Variants in PNLDC1 observed in about 807,000 individuals in gnomAD.
The protein encoded by PNLDC1 is poly(A)-specific ribonuclease PNLDC1.
Under a neutral mutation model 82.0 loss-of-function variants are expected in PNLDC1, and 70 were observed. The ratio of observed to expected loss-of-function variants is 0.85; its 90% confidence interval spans 0.70 to 1.04. PNLDC1 has a LOEUF of 1.04. PNLDC1 is among the 50% of genes least tolerant of loss of function. The pLI is 0.00. For synonymous variants in PNLDC1, 280 were observed against 249.3 expected (o/e 1.12, Z -1.16); for missense variants, 631 against 661.1 (o/e 0.95, Z 0.50).
At position 159,815,980 on chromosome 6, in the gene PNLDC1, C is replaced by T; in HGVS notation, c.1007C>T (p.Pro336Leu). ...TTCTTTTCCAATAGTGACTTGAATC[C>T]CACCAAGAATTCTGGACCAGAGATT... ...VYEVLNSDLN[P>L]TKNSGPEIVH... Residue 336 changes from proline (P) to leucine (L), a missense_variant, in exon 13 of 19, where the codon CCC (proline) becomes CTC (leucine). By Grantham distance (98) the Pro-to-Leu change is moderately conservative (BLOSUM62 -3). Transcript: ENST00000392167. The T allele has an allele frequency of 6.2e-7, 1 of 1,613,140 alleles. No individual in the cohort carries two copies. Among genetic ancestry groups the T allele is most frequent in the Non-Finnish European group, 8.5e-7 (1 of 1,179,530 alleles).
rs115472970 is a variant in PNLDC1 at position 159,818,259 on chromosome 6, C to G, written c.1158-296C>G. ...GCATGGGGCTTTCTCTGAATAGTGGCCTCGCACTGATTCTCTGAGCCTATT... is the reference window on the plus strand; with the variant it reads ...GCATGGGGCTTTCTCTGAATAGTGGGCTCGCACTGATTCTCTGAGCCTATT... On this transcript the variant is annotated intron_variant, in intron 15 of 18. Transcript: ENST00000392167. 4.6e-3 allele frequency among the ~76,000 whole-genome samples: 698 copies of G among 152,288 alleles called. 6 individuals are homozygous for G. Among genetic ancestry groups the G allele is most frequent in the African/African-American group, 0.016 (651 of 41,544 alleles).
In PNLDC1 at chr6:159,803,890, C is replaced by A. The variant is rs1223607844; in HGVS notation, c.249-75C>A. The stretch of plus-strand genomic sequence containing the variant: ...CTTCTTGCCTAAAAGAAAGAGCCCA[C>A]CCTGAAGCCAGCCCTGGGAGCCAGA... On this transcript the variant is annotated intron_variant, in intron 4 of 18. Transcript: ENST00000392167. The A allele has an allele frequency of 3.3e-6, 5 of 1,513,750 alleles. No individual in the cohort carries two copies. The Admixed American group carries it at 1.0e-4, about 31-fold the overall frequency. The allele number at this position is 1,513,750 out of a possible 1,614,324, so 93.8% of individuals were successfully genotyped here.
At chr6:159,803,939 T>C (rs1781353283) in intron 4 of PNLDC1, 26 bp from the exon 5 acceptor site, 6 of 1,595,586 alleles carry the variant, frequency 3.8e-6, no homozygotes, top group Non-Finnish European at 5.1e-6. Flanking sequence ...TTGTGGCTTT[T>C]TCTCTGTATG....
At chr6:159,812,948 C>T (rs190534773) in intron 11 of PNLDC1, among the ~76,000 whole-genome samples, 49 of 152,198 alleles carry the variant, frequency 3.2e-4, no homozygotes, top group African/African-American at 1.0e-3. Flanking sequence ...ACTTAAAGCC[C>T]GGGAAGTGGA....
intron 5 of PNLDC1, 108 bp downstream of exon 5, chr6:159,804,196 G>C: frequency 1.5e-6 from 2 of 1,330,384 alleles, no homozygotes. Flanking sequence ...CGCCTCCCGG[G>C]TTCAAGTGAT....
chr6:159,803,202 T>G, intron 3 of PNLDC1, 69 bp from the exon 4 acceptor site: 1 of 1,483,996 alleles, frequency 6.7e-7, no homozygotes, highest in Non-Finnish European at 9.4e-7. Context: ...TTTGAGTTGT[T>G]TTTGTCTTTG....
rs1781554953 is a variant in PNLDC1 at position 159,809,063 on chromosome 6, A to G, written c.688A>G (p.Thr230Ala). 1 of 1,613,780 alleles carries G rather than the reference A, an allele frequency of 6.2e-7. No individual in the cohort carries two copies. Among genetic ancestry groups the G allele is most frequent in the Non-Finnish European group, 8.5e-7 (1 of 1,179,976 alleles). The change falls in exon 9 of 19, where the codon ACC becomes GCC. Residue 230 changes from threonine (T) to alanine (A), a missense_variant. By Grantham distance (58) the Thr-to-Ala change is moderately conservative. Transcript: ENST00000392167. ...SKQHRWYLQN[T>A]SCDRESCWKE... ...ACAACATCGTTGGTATCTTCAGAAC[A>G]CCTCTTGTGACCGAGAGAGCTGTTG...
chr6:159,800,997 G>A, intron 2 of PNLDC1, 116 bp from the exon 3 acceptor site: 2 of 1,457,638 alleles, frequency 1.4e-6, no homozygotes, highest in Middle Eastern at 1.7e-4. Context: ...GTGCTCCCTA[G>A]TTGTTGTAAC....
intron 7 of PNLDC1, among the ~76,000 whole-genome samples, chr6:159,807,188 C>T (rs143919172): frequency 4.6e-4 from 70 of 152,268 alleles, no homozygotes; most frequent in African/African-American, 1.4e-3. Context: ...CCACCGCACC[C>T]GGCCCCATGA....
At chr6:159,802,073 C>T (rs949345177) in intron 3 of PNLDC1, among the ~76,000 whole-genome samples, 11 of 151,206 alleles carry the variant, frequency 7.3e-5, no homozygotes, top group African/African-American at 2.4e-4. Flanking sequence ...TTTTTAGTAG[C>T]GATGGGGTTT....
At chr6:159,801,251 C>A in intron 3 of PNLDC1, 65 bp downstream of exon 3, 2 of 1,422,798 alleles carry the variant, frequency 1.4e-6, no homozygotes, top group Non-Finnish European at 2.0e-6. Flanking sequence ...GGATTTCCTA[C>A]TGTAAAAACA....
At position 159,811,727 on chromosome 6, in the gene PNLDC1, A is replaced by T. The variant is rs757250198; in HGVS notation, c.880A>T (p.Ile294Phe). ...AAGCTACGATCAATTTAAGCAGAAT[A>T]TCCACAGCCTATTTCCTGTTCTCAT... is the stretch of plus-strand genomic sequence containing the variant. ...PESYDQFKQN[I>F]HSLFPVLIDT... is the part of the protein sequence containing the mutation. The change falls in exon 11 of 19, where the codon ATC becomes TTC. Residue 294 changes from isoleucine to phenylalanine, a missense_variant. Transcript: ENST00000392167. The T allele has an allele frequency of 4.3e-6, 7 of 1,613,700 alleles. No homozygotes were observed. The East Asian group carries it at 1.6e-4, about 36-fold the overall frequency.
chr6:159,801,333 T>C lies in PNLDC1; in HGVS notation c.208+147T>C, dbSNP rs1281319387. ...TTTGTGTTGGGCCATTGTATACATATGGAAATCAACACTTCGGAGCAAACC... is the reference window on the plus strand; with the variant it reads ...TTTGTGTTGGGCCATTGTATACATACGGAAATCAACACTTCGGAGCAAACC... On this transcript the variant is annotated intron_variant, in intron 3 of 18. Transcript: ENST00000392167. 4 of 799,368 alleles carry C rather than the reference T, an allele frequency of 5.0e-6. No homozygotes were observed. The Admixed American group carries it at 6.2e-5, about 12-fold the overall frequency. 49.5% of individuals were successfully genotyped at this position (799,368 alleles called of 1,614,324 possible).
At chr6:159,817,257 G>C in intron 15 of PNLDC1, 106 bp downstream of exon 15, 1 of 1,075,086 alleles carries the variant, frequency 9.3e-7, no homozygotes, top group Non-Finnish European at 1.4e-6. Context: ...ACCAAAGAAG[G>C]GAGAATGTGA....
intron 10 of PNLDC1, among the ~76,000 whole-genome samples, chr6:159,810,896 T>G (rs1358577066): frequency 6.6e-6 from 1 of 152,188 alleles, no homozygotes; most frequent in Non-Finnish European, 1.5e-5. Flanking sequence ...ATAATACACA[T>G]TCACCAAAAA....
Position 159,800,331 on chromosome 6 carries a change from C to G in PNLDC1, c.24C>G (p.Phe8Leu). ...CCATGGACGTGGGCGCCGACGAGTT[C>G]GAGGAGAGCCTCCCTCTGCTGCAGG... Reference protein sequence around the residue: MDVGADEFEESLPLLQEL... With the variant: MDVGADELEESLPLLQEL... Residue 8 changes from phenylalanine to leucine, a missense_variant, in exon 1 of 19, where the codon TTC becomes TTG. Coordinates refer to ENST00000392167, the MANE Select transcript of PNLDC1 (RefSeq NM_001271862.2). 5 of 1,547,158 alleles carry G rather than the reference C, an allele frequency of 3.2e-6. No homozygotes were observed. Among genetic ancestry groups the G allele is most frequent in the Non-Finnish European group, 4.4e-6 (5 of 1,146,042 alleles).
chr6:159,805,595 G>A (rs1305376703), intron 6 of PNLDC1: 4 of 161,718 alleles, frequency 2.5e-5, no homozygotes, highest in Admixed American at 1.2e-4. Context: ...GATGCAAGAG[G>A]CAATGTGTTT....
chr6:159,818,996 C>G lies in PNLDC1; in HGVS notation c.1308C>G (p.Leu436=), dbSNP rs776584941. The G allele has an allele frequency of 6.2e-7, 1 of 1,614,088 alleles. No individual in the cohort carries two copies. The part of the protein sequence containing the change: ...YPSIRPPILI[L]SVKRWPGVSE... ...GTATCCGACCTCCCATCCTCATCCT[C>G]AGCGTCAAAAGGTGGCCTGGGGTCA... Residue 436 remains leucine (L), a synonymous_variant, in exon 17 of 19, where the codon CTC becomes CTG. Transcript: ENST00000392167.
Position 159,800,323 on chromosome 6 carries a change from G to A in PNLDC1, c.16G>A (p.Asp6Asn), listed in dbSNP as rs771213908. ...CTGCACGGCCATGGACGTGGGCGCC[G>A]ACGAGTTCGAGGAGAGCCTCCCTCT... The part of the protein sequence containing the change: MDVGA[D>N]EFEESLPLLQ... Residue 6 changes from aspartate (D) to asparagine (N), a missense_variant, in exon 1 of 19, where the codon GAC (aspartate) becomes AAC (asparagine). Coordinates refer to ENST00000392167, the MANE Select transcript of PNLDC1 (RefSeq NM_001271862.2). 7 of 1,547,732 alleles carry A rather than the reference G, an allele frequency of 4.5e-6. No individual in the cohort carries two copies. Among genetic ancestry groups the A allele is most frequent in the South Asian group, 2.4e-5 (2 of 83,960 alleles).
Sources: gnomAD v4.1 joint callset for allele counts (sites outside exome capture counted in the v4.1 genomes callset) on GRCh38, gnomAD v4.1.1 for gene constraint, MANE v1.5 for transcripts, NCBI Gene and HGNC (gene_info 2026-07-23, HGNC 2026-07-21) for gene names.